The following PDZK1 variants were observed in gnomAD, a reference collection of about 807,000 sequenced individuals.
PDZK1 encodes PDZ domain containing 1.
In PDZK1, 23 loss-of-function variants were observed where a neutral mutation model predicts 38.1. The observed-to-expected ratio is 0.60, with a 90% confidence interval of 0.43 to 0.85. The LOEUF (loss-of-function observed/expected upper bound fraction) is 0.85. Among genes scored for constraint, PDZK1 ranks in the 40% least tolerant of loss-of-function variants. The probability of loss-of-function intolerance (pLI) is 0.00; values close to 1 mark genes in which losing one functional copy is unlikely to be tolerated. For synonymous variants in PDZK1, 98 were observed against 186.2 expected, an observed-to-expected ratio of 0.53 and a Z score of 3.86; for missense variants, 297 against 504.3, an observed-to-expected ratio of 0.59 and a Z score of 3.94.
intron 3 of PDZK1, among the ~76,000 whole-genome samples, chr1:145,685,774 G>A (rs1250836943): frequency 6.6e-6 from 1 of 152,152 alleles, no homozygotes; most frequent in Non-Finnish European, 1.5e-5. Flanking sequence ...CAGAGCCACG[G>A]TCAACTGAAC....
chr1:145,674,052 AG>A (rs1203470473), intron 6 of PDZK1, 171 bp from the exon 7 acceptor site: 1 of 696,728 alleles, frequency 1.4e-6, no homozygotes, highest in African/African-American at 2.0e-5. Flanking sequence ...AAGGTATAAA[AG>A]AAGACTGTGC....
intron 5 of PDZK1, among the ~76,000 whole-genome samples, chr1:145,679,315 T>C (rs1257153680): frequency 6.6e-6 from 1 of 152,082 alleles, no homozygotes; most frequent in South Asian, 2.1e-4. Flanking sequence ...GCCCCTCCTC[T>C]TGGTTACCTG....
At chr1:145,683,067 C>G (rs1654420868) in intron 3 of PDZK1, among the ~76,000 whole-genome samples, 1 of 152,200 alleles carries the variant, frequency 6.6e-6, no homozygotes, top group Non-Finnish European at 1.5e-5. Flanking sequence ...TGAGGGACTG[C>G]TTTGCATACA....
At chr1:145,679,504 T>C (rs1654028798) in intron 5 of PDZK1, among the ~76,000 whole-genome samples, 1 of 152,128 alleles carries the variant, frequency 6.6e-6, no homozygotes, top group Non-Finnish European at 1.5e-5. Flanking sequence ...CTACCTAAAC[T>C]ATTACAGCAC....
chr1:145,697,958 G>A (rs1316729130), intron 1 of PDZK1, among the ~76,000 whole-genome samples: 1 of 151,548 alleles, frequency 6.6e-6, no homozygotes, highest in Non-Finnish European at 1.5e-5. Flanking sequence ...CGATCAGCAT[G>A]TTTCTGTATC....
chr1:145,672,629 T>C, intron 8 of PDZK1, 101 bp downstream of exon 8: 1 of 1,471,986 alleles, frequency 6.8e-7, no homozygotes, highest in Non-Finnish European at 9.2e-7. Flanking sequence ...TTTTCTAGTT[T>C]TAAAAAAATC....
At chr1:145,702,645 G>A (rs1656027336) in intron 1 of PDZK1, among the ~76,000 whole-genome samples, 2 of 152,174 alleles carry the variant, frequency 1.3e-5, no homozygotes, top group South Asian at 4.1e-4. Context: ...TGTAATCCCA[G>A]CACTTTGGGA....
chr1:145,674,626 AG>A (rs1431670712), intron 6 of PDZK1, among the ~76,000 whole-genome samples: 1 of 152,018 alleles, frequency 6.6e-6, no homozygotes, highest in African/African-American at 2.4e-5. Flanking sequence ...CCAGATTCTC[AG>A]GCCAAATGCA....
intron 1 of PDZK1, among the ~76,000 whole-genome samples, chr1:145,692,612 G>C (rs952473787): frequency 1.2e-4 from 19 of 152,152 alleles, no homozygotes; most frequent in Admixed American, 1.0e-3. Flanking sequence ...TCGGGAGGCT[G>C]GGGAAGGGGA....
chr1:145,683,845 CT>C lies in PDZK1; in HGVS notation c.461-1210del, dbSNP rs781826650. Among the ~76,000 whole-genome samples, 781 of 137,934 alleles carry C rather than the reference CT, an allele frequency of 5.7e-3. 2 individuals carry two copies. Among genetic ancestry groups the C allele is most frequent in the East Asian group, 9.5e-3 (46 of 4,840 alleles). 90.5% of individuals were successfully genotyped at this position (137,934 alleles called of 152,430 possible). On this transcript the variant is annotated intron_variant, in intron 3 of 8. Coordinates refer to ENST00000417171, the MANE Select transcript of PDZK1 (RefSeq NM_001201325.2). ...TCACTTAATAGAAGCACTTTACAGC[CT>C]TTTTTTTTTTTTTTTTAACAGATGG...
chr1:145,697,138 GCCAACTGGTGAAGCC>G (rs1655672867), intron 1 of PDZK1, among the ~76,000 whole-genome samples: 1 of 152,120 alleles, frequency 6.6e-6, no homozygotes, highest in South Asian at 2.1e-4. Flanking sequence ...GACCAGCCTG[GCCAACTGGTGAAGCC>G]CCATCTCTTC....
At chr1:145,700,467 G>A (rs1437721760) in intron 1 of PDZK1, among the ~76,000 whole-genome samples, 1 of 152,178 alleles carries the variant, frequency 6.6e-6, no homozygotes, top group African/African-American at 2.4e-5. Flanking sequence ...GATGGAGTGA[G>A]TGAAGCATTA....
At chr1:145,705,725 C>CAT (rs1656208380) in intron 1 of PDZK1, among the ~76,000 whole-genome samples, 1 of 152,092 alleles carries the variant, frequency 6.6e-6, no homozygotes, top group Admixed American at 6.6e-5. Context: ...GAAATCTAGG[C>CAT]ATCTTACATC....
intron 1 of PDZK1, among the ~76,000 whole-genome samples, chr1:145,689,432 G>C (rs1339680236): frequency 1.3e-5 from 2 of 152,132 alleles, no homozygotes; most frequent in South Asian, 2.1e-4. Context: ...CATTGCAGGG[G>C]CAAGGTCCTG....
chr1:145,677,586 G>T (rs1653810758), intron 6 of PDZK1, among the ~76,000 whole-genome samples: 1 of 151,614 alleles, frequency 6.6e-6, no homozygotes, highest in Admixed American at 6.6e-5. Context: ...GAAAAAATGT[G>T]CTGGGGAGTA....
At chr1:145,687,015 T>C (rs1401333133) in intron 2 of PDZK1, among the ~76,000 whole-genome samples, 2 of 152,118 alleles carry the variant, frequency 1.3e-5, no homozygotes, top group Non-Finnish European at 2.9e-5. Context: ...CCCTAGATTG[T>C]AACCATTCCT....
chr1:145,680,568 A>G (rs1654142425), intron 5 of PDZK1, among the ~76,000 whole-genome samples: 1 of 152,124 alleles, frequency 6.6e-6, no homozygotes, highest in Admixed American at 6.5e-5. Context: ...CGTGTTAGTA[A>G]GTTGAAACTG....
At chr1:145,699,908 T>A (rs1018553316) in intron 1 of PDZK1, among the ~76,000 whole-genome samples, 9 of 152,170 alleles carry the variant, frequency 5.9e-5, no homozygotes, top group Admixed American at 5.9e-4. Context: ...AGGAAGCACA[T>A]GTGGATGCCG....
intron 6 of PDZK1, among the ~76,000 whole-genome samples, chr1:145,676,758 A>G (rs587656061): frequency 1.0e-3 from 152 of 151,690 alleles, no homozygotes; most frequent in Non-Finnish European, 1.9e-3. Flanking sequence ...TCCTTCTTAC[A>G]TGTAATAGCC....
Sources: gnomAD v4.1 joint callset for allele counts (sites outside exome capture counted in the v4.1 genomes callset) on GRCh38, gnomAD v4.1.1 for gene constraint, MANE v1.5 for transcripts, NCBI Gene and HGNC (gene_info 2026-07-23, HGNC 2026-07-21) for gene names.